LMO7: variants seen among roughly 807,000 people sequenced by gnomAD.
LMO7 encodes LIM domain 7.
In LMO7, 120 loss-of-function variants were observed where a neutral mutation model predicts 206.5. The ratio of observed to expected loss-of-function variants is 0.58; its 90% CI spans 0.50 to 0.68. LMO7 has a LOEUF of 0.68. Ranked by LOEUF, LMO7 falls within the 30% of genes least tolerant of loss-of-function variation. LMO7 has a pLI of 0.00. For synonymous variants in LMO7, 706 were observed against 681.5 expected (o/e 1.04, Z -0.56); for missense variants, 1,959 against 1,957.9 (o/e 1.00, Z -0.01).
intron 1 of LMO7, among the ~76,000 whole-genome samples, chr13:75,704,290 C>T (rs569195671): frequency 2.0e-5 from 3 of 152,190 alleles, no homozygotes; most frequent in East Asian, 1.9e-4. Flanking sequence ...TGATGTGGTT[C>T]GTCTGTACCA....
intron 15 of LMO7, among the ~76,000 whole-genome samples, chr13:75,825,452 G>A (rs1183448267): frequency 6.6e-6 from 1 of 152,172 alleles, no homozygotes; most frequent in African/African-American, 2.4e-5. Context: ...GCTAAGTGTG[G>A]TGCGTGGTTG....
chr13:75,817,323 C>A, intron 12 of LMO7, 45 bp downstream of exon 12: 1 of 1,221,842 alleles, frequency 8.2e-7, no homozygotes, highest in Non-Finnish European at 1.2e-6. Context: ...ATTTGTCTAA[C>A]TTTTCTTTGC....
chr13:75,782,503 G>A (rs1380891940), intron 4 of LMO7, among the ~76,000 whole-genome samples: 1 of 152,222 alleles, frequency 6.6e-6, no homozygotes, highest in African/African-American at 2.4e-5. Flanking sequence ...TATGAAATGT[G>A]TAGGGCAATG....
intron 3 of LMO7, 47 bp from the exon 4 acceptor site, chr13:75,760,885 C>G (rs1348976858): frequency 6.2e-7 from 1 of 1,608,878 alleles, no homozygotes; most frequent in East Asian, 2.2e-5. Context: ...TAACCTTTGT[C>G]TGAGAGAGAG....
chr13:75,626,593 A>ATATATATATATATATAT (rs1566249204), intron 2 of LMO7, among the ~76,000 whole-genome samples: 4 of 64,664 alleles, frequency 6.2e-5, no homozygotes, highest in African/African-American at 1.1e-4. Context: ...ATATATATAT[A>ATATATATATATATATAT]AATTTTTTTG....
chr13:75,821,920 G>A (rs946386728), intron 14 of LMO7, among the ~76,000 whole-genome samples: 6 of 151,990 alleles, frequency 3.9e-5, no homozygotes, highest in Admixed American at 3.3e-4. Flanking sequence ...AAAGTTTTAG[G>A]TTGAAAAATA....
intron 26 of LMO7, among the ~76,000 whole-genome samples, chr13:75,848,561 TGA>T (rs2060200811): frequency 6.6e-6 from 1 of 152,140 alleles, no homozygotes; most frequent in African/African-American, 2.4e-5. Flanking sequence ...GCTATAAACA[TGA>T]GTGAGCAAAT....
chr13:75,819,434 A>T lies in LMO7; in HGVS notation c.2106A>T (p.Ser702=), dbSNP rs1179876151. Residue 702 remains serine (S), a synonymous_variant, in exon 13 of 31, where the codon TCA becomes TCT. Transcript: ENST00000377534. ...AAGATCGTCGAAAAAGTTACACTTC[A>T]GATCTGCAGAAGAAAAAAGAAGAGA... The part of the protein sequence containing the change: ...KWKDRRKSYT[S]DLQKKKEERE... The T allele has an allele frequency of 9.9e-6, 16 of 1,612,266 alleles. No homozygotes were observed. Among genetic ancestry groups the T allele is most frequent in the Non-Finnish European group, 1.4e-5 (16 of 1,179,554 alleles).
intron 1 of LMO7, among the ~76,000 whole-genome samples, chr13:75,643,930 G>A (rs1161795979): frequency 6.6e-6 from 1 of 152,116 alleles, no homozygotes; most frequent in African/African-American, 2.4e-5. Context: ...TTGGTATACA[G>A]CACCTGACCC....
chr13:75,635,610 A>G (rs1419369427), upstream of LMO7, among the ~76,000 whole-genome samples: 2 of 151,980 alleles, frequency 1.3e-5, no homozygotes, highest in African/African-American at 4.8e-5. Context: ...GAAGTGGGGA[A>G]TGCAAGGAAC....
chr13:75,696,775 CA>C (rs1392062929), intron 1 of LMO7, among the ~76,000 whole-genome samples: 9 of 151,956 alleles, frequency 5.9e-5, no homozygotes, highest in Admixed American at 5.9e-4. Flanking sequence ...AGGATACAAA[CA>C]AAAAAGCCCA....
intron 4 of LMO7, among the ~76,000 whole-genome samples, chr13:75,783,558 A>T (rs567477732): frequency 6.6e-6 from 1 of 152,256 alleles, no homozygotes; most frequent in Non-Finnish European, 1.5e-5. Flanking sequence ...CCTGACCTCA[A>T]GTGATTACCC....
intron 1 of LMO7, among the ~76,000 whole-genome samples, chr13:75,653,355 A>G (rs1488711287): frequency 1.3e-5 from 2 of 152,068 alleles, no homozygotes; most frequent in East Asian, 3.9e-4. Flanking sequence ...CTGTGACATG[A>G]TAATTGCTTC....
intron 4 of LMO7, among the ~76,000 whole-genome samples, chr13:75,791,404 TTGTA>T (rs1324888351): frequency 5.3e-5 from 8 of 152,216 alleles, no homozygotes; most frequent in Admixed American, 1.3e-4. Flanking sequence ...TTCTCTGACA[TTGTA>T]TGAGTATTGT....
chr13:75,638,791 C>T (rs1350459646), intron 1 of LMO7, among the ~76,000 whole-genome samples: 1 of 151,990 alleles, frequency 6.6e-6, no homozygotes, highest in African/African-American at 2.4e-5. Context: ...TTGTTCTTGC[C>T]AAAAGAAGCA....
intron 26 of LMO7, among the ~76,000 whole-genome samples, chr13:75,847,976 T>C (rs2060128632): frequency 6.6e-6 from 1 of 152,202 alleles, no homozygotes; most frequent in Admixed American, 6.5e-5. Flanking sequence ...TATTTATTTA[T>C]TGAGGCTGCA....
rs755329359 is a variant in LMO7, at chr13:75,823,513, CAG to C, written c.2641-50_2641-49del. The C allele has an allele frequency of 2.4e-4, 328 of 1,350,586 alleles. 1 individual carries two copies. Among genetic ancestry groups the C allele is most frequent in the African/African-American group, 3.4e-4 (23 of 67,732 alleles). The allele number at this position is 1,350,586 out of a possible 1,614,324, so 83.7% of individuals were successfully genotyped here. ...TAATTTAATAAACAACTTTTAAAAA[CAG>C]AAATAAAGGTAACAGAATATCAAGT... On this transcript the variant is annotated intron_variant, in intron 14 of 30. Transcript: ENST00000377534.
intron 29 of LMO7, 46 bp downstream of exon 29, chr13:75,855,414 G>A (rs766404977): frequency 1.4e-5 from 18 of 1,291,364 alleles, no homozygotes; most frequent in Non-Finnish European, 2.0e-5. Flanking sequence ...GCTTTGCTTG[G>A]AGAGCGCATG....
At chr13:75,854,547 C>A (rs1020319908) in intron 28 of LMO7, among the ~76,000 whole-genome samples, 2 of 152,002 alleles carry the variant, frequency 1.3e-5, no homozygotes, top group African/African-American at 4.8e-5. Flanking sequence ...TCCTCTTAAG[C>A]GCCGTGCTCA....
Sources: gnomAD v4.1 joint callset for allele counts (sites outside exome capture counted in the v4.1 genomes callset) on GRCh38, gnomAD v4.1.1 for gene constraint, MANE v1.5 for transcripts, NCBI Gene and HGNC (gene_info 2026-07-23, HGNC 2026-07-21) for gene names.